CHD7: variants seen among roughly 807,000 people sequenced by gnomAD.
The protein encoded by CHD7 is ATP-dependent chromatin remodeler CHD7.
CHD7 carries 24 observed loss-of-function variants against 307.3 expected under a neutral mutation model. That is an observed-to-expected ratio of 0.08 (90% CI 0.06 to 0.11). The LOEUF is 0.11. Ranked by LOEUF, CHD7 falls within the 10% of genes least tolerant of loss-of-function variation. The pLI, the probability that CHD7 is intolerant of heterozygous loss-of-function variation, is 1.00. For missense variants in CHD7, 3,106 were observed against 3,727.1 expected (o/e 0.83, Z 4.34); for synonymous variants, 1,363 against 1,349.9 (o/e 1.01, Z -0.21).
At chr8:60,823,338 G>T (rs1010117048) in intron 12 of CHD7, among the ~76,000 whole-genome samples, 1 of 151,994 alleles carries the variant, frequency 6.6e-6, no homozygotes, top group African/African-American at 2.4e-5. Flanking sequence ...TATGTTATGG[G>T]TAGTAAATGG....
intron 21 of CHD7, among the ~76,000 whole-genome samples, chr8:60,843,711 G>A (rs1261205158): frequency 6.6e-6 from 1 of 152,208 alleles, no homozygotes; most frequent in African/African-American, 2.4e-5. Flanking sequence ...TCTGGGGTTA[G>A]GAGGAATGAA....
intron 2 of CHD7, among the ~76,000 whole-genome samples, chr8:60,764,210 C>T (rs1042814454): frequency 1.8e-4 from 28 of 152,106 alleles, no homozygotes; most frequent in African/African-American, 6.8e-4. Context: ...AGGGTGGTCT[C>T]AATCTCCTGA....
chr8:60,726,470 T>C (rs1808164000), intron 1 of CHD7, among the ~76,000 whole-genome samples: 1 of 152,234 alleles, frequency 6.6e-6, no homozygotes, highest in Admixed American at 6.5e-5. Context: ...CTTTCGAAAT[T>C]AAGATAACAA....
chr8:60,847,350 G>A (rs192141058), intron 23 of CHD7, among the ~76,000 whole-genome samples: 1 of 152,292 alleles, frequency 6.6e-6, no homozygotes, highest in East Asian at 1.9e-4. Context: ...CCTAGTTCCA[G>A]TTGTGCCATG....
chr8:60,832,602 GAAAGA>G (rs1276596781), intron 15 of CHD7, among the ~76,000 whole-genome samples: 2 of 152,266 alleles, frequency 1.3e-5, no homozygotes, highest in Non-Finnish European at 1.5e-5. Flanking sequence ...CCTCCAAGGG[GAAAGA>G]AAAGAAAAGG....
chr8:60,773,169 C>G (rs1345825864), intron 2 of CHD7, among the ~76,000 whole-genome samples: 5 of 152,222 alleles, frequency 3.3e-5, no homozygotes. Context: ...TACCCCTCTG[C>G]TTGTGGCCTG....
At chr8:60,783,637 G>A (rs1405978512) in intron 3 of CHD7, among the ~76,000 whole-genome samples, 3 of 152,174 alleles carry the variant, frequency 2.0e-5, no homozygotes, top group African/African-American at 7.2e-5. Context: ...CTCAGTCAAT[G>A]CCTGCTATAG....
intron 34 of CHD7, among the ~76,000 whole-genome samples, chr8:60,858,184 AG>A (rs1805799968): frequency 6.6e-6 from 1 of 152,218 alleles, no homozygotes; most frequent in Non-Finnish European, 1.5e-5. Flanking sequence ...TGAACCCAGG[AG>A]GCGGAGGTTG....
At chr8:60,801,202 A>C (rs1812295313) in intron 5 of CHD7, among the ~76,000 whole-genome samples, 1 of 152,194 alleles carries the variant, frequency 6.6e-6, no homozygotes, top group African/African-American at 2.4e-5. Context: ...GGTATAGATG[A>C]AGAAAAGTTA....
chr8:60,858,405 T>C (rs6984890), intron 34 of CHD7, among the ~76,000 whole-genome samples: 21,201 of 152,222 alleles, frequency 0.14, 3,170 homozygotes, highest in African/African-American at 0.38. Flanking sequence ...TTCTGTAAGT[T>C]AAAATGCCAT....
intron 3 of CHD7, among the ~76,000 whole-genome samples, chr8:60,789,832 C>T (rs1811684514): frequency 6.6e-6 from 1 of 152,242 alleles, no homozygotes; most frequent in Admixed American, 6.5e-5. Flanking sequence ...TGACTACTTG[C>T]ATAAAGGTAG....
intron 1 of CHD7, among the ~76,000 whole-genome samples, chr8:60,721,105 G>A (rs146149684): frequency 3.0e-4 from 45 of 152,278 alleles, no homozygotes; most frequent in African/African-American, 9.9e-4. Context: ...TTTCCTTCTG[G>A]TTGGTCTTAT....
At chr8:60,684,205 C>T (rs1363309162) in intron 1 of CHD7, among the ~76,000 whole-genome samples, 2 of 152,190 alleles carry the variant, frequency 1.3e-5, no homozygotes, top group African/African-American at 4.8e-5. Context: ...GGTTCACTCT[C>T]AGGCTTGTTT....
rs1806280817 is a variant in CHD7, at chr8:60,867,604, T to G, written c.*1671T>G. 1 of 152,250 alleles carries G rather than the reference T, an allele frequency of 6.6e-6. No homozygotes were observed. The highest frequency in any genetic ancestry group is 2.1e-4 in the South Asian group (1 of 4,832). 9.4% of individuals were successfully genotyped at this position (152,250 alleles called of 1,614,324 possible). A position where few individuals can be genotyped will look rare whatever the true frequency, so the allele number is the denominator to read the frequency against. On this transcript the variant is annotated 3_prime_UTR_variant, in exon 38 of 38. Coordinates refer to ENST00000423902, the MANE Select transcript of CHD7 (RefSeq NM_017780.4). Reference sequence around the variant, plus strand: ...GGGAAGGGATGTGGACGAGAGTGTTTCGTGTGTGTTGCCTTCCTCCACACC... The same window carrying G: ...GGGAAGGGATGTGGACGAGAGTGTTGCGTGTGTGTTGCCTTCCTCCACACC...
chr8:60,693,331 G>A (rs1341283411), intron 1 of CHD7, among the ~76,000 whole-genome samples: 1 of 152,228 alleles, frequency 6.6e-6, no homozygotes, highest in African/African-American at 2.4e-5. Flanking sequence ...TGTGGAACAA[G>A]TCCCTGTCTG....
At chr8:60,859,595 C>G (rs560602778) in intron 34 of CHD7, among the ~76,000 whole-genome samples, 5 of 152,236 alleles carry the variant, frequency 3.3e-5, no homozygotes, top group Admixed American at 6.5e-5. Flanking sequence ...TGGGGAGAAA[C>G]AGATGAAGAA....
At chr8:60,739,726 C>A (rs1254074373) in intron 1 of CHD7, among the ~76,000 whole-genome samples, 3 of 152,186 alleles carry the variant, frequency 2.0e-5, no homozygotes, top group African/African-American at 7.2e-5. Context: ...AAATTCTCCC[C>A]TTGTTAGGAA....
At chr8:60,721,034 C>T (rs1417983125) in intron 1 of CHD7, among the ~76,000 whole-genome samples, 1 of 152,158 alleles carries the variant, frequency 6.6e-6, no homozygotes, top group Non-Finnish European at 1.5e-5. Context: ...CATTCCATGT[C>T]AAGGGCTGTG....
chr8:60,830,271 T>A, intron 14 of CHD7, 51 bp from the exon 15 acceptor site: 1 of 1,553,298 alleles, frequency 6.4e-7, no homozygotes, highest in Non-Finnish European at 8.7e-7. Flanking sequence ...AAATATGTTT[T>A]AACTTGCAAG....
Sources: gnomAD v4.1 joint callset for allele counts (sites outside exome capture counted in the v4.1 genomes callset) on GRCh38, gnomAD v4.1.1 for gene constraint, MANE v1.5 for transcripts, NCBI Gene and HGNC (gene_info 2026-07-23, HGNC 2026-07-21) for gene names.